Variants in SNTG1 observed in about 807,000 individuals in gnomAD.
SNTG1 encodes the protein gamma-1-syntrophin.
Under a neutral mutation model 74.7 loss-of-function variants are expected in SNTG1, and 39 were observed. The observed-to-expected ratio is 0.52, with a 90% CI of 0.40 to 0.68. The LOEUF (loss-of-function observed/expected upper bound fraction) is 0.68, where lower values mean the gene tolerates loss of function less well. Ranked by LOEUF, SNTG1 falls within the 30% of genes least tolerant of loss-of-function variation. The probability of loss-of-function intolerance (pLI) is 0.00; values close to 1 mark genes in which losing one functional copy is unlikely to be tolerated. For missense variants in SNTG1, 685 were observed against 609.5 expected (o/e 1.12, Z -1.30); for synonymous variants, 254 against 217.1 (o/e 1.17, Z -1.49).
At chr8:50,758,317 C>T (rs549530881) in intron 18 of SNTG1, among the ~76,000 whole-genome samples, 58 of 151,744 alleles carry the variant, frequency 3.8e-4, no homozygotes, top group African/African-American at 1.3e-3. Flanking sequence ...GCAATATTTT[C>T]TTTTTTAATT....
chr8:50,660,794 T>C (rs1563709303), intron 15 of SNTG1, among the ~76,000 whole-genome samples: 1 of 152,134 alleles, frequency 6.6e-6, no homozygotes, highest in Admixed American at 6.5e-5. Flanking sequence ...AAACATTATG[T>C]TTAGCTCTAT....
chr8:50,655,852 A>G (rs1011692481), intron 13 of SNTG1, among the ~76,000 whole-genome samples: 12 of 152,226 alleles, frequency 7.9e-5, no homozygotes, highest in Admixed American at 5.2e-4. Context: ...TTCTGAAAGT[A>G]AACTGATTGT....
intron 17 of SNTG1, among the ~76,000 whole-genome samples, chr8:50,728,002 G>A (rs10103289): frequency 0.94 from 143,448 of 152,178 alleles, 67,652 homozygotes; most frequent in East Asian, 1. Context: ...GTGGCTTATG[G>A]CCTCCACTTG....
rs145813310 is a variant in SNTG1 at position 50,294,138 on chromosome 8, CAAAT to C, written c.-27-100068_-27-100065del. On this transcript the variant is annotated intron_variant, in intron 2 of 18. Coordinates refer to ENST00000642720, the MANE Select transcript of SNTG1 (RefSeq NM_018967.5). ...TAGAAAATAATAAAATAAAAATAAT[CAAAT>C]AAATACACAGAATAAAAAAGTTAAG... Among the ~76,000 whole-genome samples the C allele has an allele frequency of 1.8e-3, 275 of 150,884 alleles. 1 individual carries two copies. The highest frequency in any genetic ancestry group is 6.5e-3 in the African/African-American group (264 of 40,636).
chr8:50,674,474 G>C (rs1453283988), intron 15 of SNTG1, among the ~76,000 whole-genome samples: 1 of 151,910 alleles, frequency 6.6e-6, no homozygotes, highest in Non-Finnish European at 1.5e-5. Context: ...GGTATTTATA[G>C]TATTCTCTGA....
chr8:50,182,490 G>C (rs1055545401), intron 2 of SNTG1, among the ~76,000 whole-genome samples: 1 of 151,884 alleles, frequency 6.6e-6, no homozygotes, highest in African/African-American at 2.4e-5. Context: ...GAGATAAATA[G>C]GTACAAGATG....
intron 18 of SNTG1, among the ~76,000 whole-genome samples, chr8:50,768,697 A>G (rs2131774415): frequency 6.6e-6 from 1 of 152,126 alleles, no homozygotes; most frequent in East Asian, 1.9e-4. Context: ...TTCCAGCTGT[A>G]CAAAGCACTG....
intron 18 of SNTG1, among the ~76,000 whole-genome samples, chr8:50,778,391 C>T (rs2095647717): frequency 6.6e-6 from 1 of 152,012 alleles, no homozygotes; most frequent in Non-Finnish European, 1.5e-5. Context: ...TAATGATTGC[C>T]ATTCTAACTG....
At chr8:50,452,450 CAT>C (rs1220085773) in intron 8 of SNTG1, among the ~76,000 whole-genome samples, 11 of 152,332 alleles carry the variant, frequency 7.2e-5, no homozygotes, top group Admixed American at 7.2e-4. Flanking sequence ...ATTTTAAACT[CAT>C]TACCCAGGGA....
At chr8:50,298,949 T>C (rs2130644213) in intron 2 of SNTG1, among the ~76,000 whole-genome samples, 1 of 152,272 alleles carries the variant, frequency 6.6e-6, no homozygotes, top group Admixed American at 6.5e-5. Flanking sequence ...AATAGGAAGG[T>C]TTAATTTTTT....
At chr8:50,486,382 T>A (rs1011679691) in intron 8 of SNTG1, among the ~76,000 whole-genome samples, 22 of 143,464 alleles carry the variant, frequency 1.5e-4, no homozygotes, top group African/African-American at 5.5e-4. Context: ...CTAAGTTGGA[T>A]TCCTAGGTAT....
At chr8:49,938,544 C>CTTCTT (rs1554524744) in intron 1 of SNTG1, among the ~76,000 whole-genome samples, 3 of 105,086 alleles carry the variant, frequency 2.9e-5, no homozygotes, top group East Asian at 6.8e-4. Context: ...CTTACCATGC[C>CTTCTT]TTCTTTTCTT....
At chr8:50,357,365 T>A (rs2091848334) in intron 2 of SNTG1, among the ~76,000 whole-genome samples, 2 of 152,186 alleles carry the variant, frequency 1.3e-5, no homozygotes, top group Admixed American at 1.3e-4. Flanking sequence ...AAAGAACAGG[T>A]TTACACATTG....
chr8:50,100,766 T>C (rs1339916669), intron 1 of SNTG1, among the ~76,000 whole-genome samples: 1 of 152,110 alleles, frequency 6.6e-6, no homozygotes, highest in Non-Finnish European at 1.5e-5. Context: ...AGTACAATAA[T>C]ACTTAACATT....
At position 50,795,195 on chromosome 8, in the gene SNTG1, T is replaced by C. The variant is rs933970772; in HGVS notation, c.*2366T>C. On this transcript the variant is annotated 3_prime_UTR_variant, in exon 19 of 19. Transcript: ENST00000642720. ...GATTAAAAACTTATGACAATACCAT[T>C]ATGAATATTTTTGATACTATTGATA... is the stretch of plus-strand genomic sequence containing the variant. 3 of 151,986 alleles carry C rather than the reference T, an allele frequency of 2.0e-5. No individual in the cohort carries two copies. The highest frequency in any genetic ancestry group is 7.2e-5 in the African/African-American group (3 of 41,426). The allele number at this position is 151,986 out of a possible 1,614,324, so 9.4% of individuals were successfully genotyped here.
intron 1 of SNTG1, among the ~76,000 whole-genome samples, chr8:49,995,795 C>T (rs1358013098): frequency 6.6e-6 from 1 of 152,202 alleles, no homozygotes; most frequent in African/African-American, 2.4e-5. Context: ...GGCTCATTGC[C>T]TTGTCAATAA....
At chr8:50,561,959 G>C (rs182381999) in intron 12 of SNTG1, among the ~76,000 whole-genome samples, 86 of 152,246 alleles carry the variant, frequency 5.6e-4, no homozygotes, top group Non-Finnish European at 6.9e-4. Context: ...GGTCAAAATA[G>C]TCCTGTGAAG....
intron 1 of SNTG1, among the ~76,000 whole-genome samples, chr8:49,937,212 A>G (rs984892418): frequency 5.3e-5 from 8 of 152,190 alleles, no homozygotes; most frequent in African/African-American, 1.9e-4. Context: ...AGACCAAACA[A>G]AGGGAAAAAA....
rs187099632 is a variant in SNTG1, at chr8:50,140,359, C to T, written c.-102-32202C>T. On this transcript the variant is annotated intron_variant, in intron 1 of 18. Coordinates refer to ENST00000642720, the MANE Select transcript of SNTG1 (RefSeq NM_018967.5). ...TAATGAACTGCTAAAGGTGATGCTTCCTTTCTCAGCCAGATTTCCCATTCT... is the reference window on the plus strand; with the variant it reads ...TAATGAACTGCTAAAGGTGATGCTTTCTTTCTCAGCCAGATTTCCCATTCT... Among the ~76,000 whole-genome samples, 404 of 152,278 alleles carry T rather than the reference C, an allele frequency of 2.7e-3. 7 individuals are homozygous for T. Among genetic ancestry groups the T allele is most frequent in the Non-Finnish European group, 2.2e-3 (151 of 68,014 alleles).
Sources: gnomAD v4.1 joint callset for allele counts (sites outside exome capture counted in the v4.1 genomes callset) on GRCh38, gnomAD v4.1.1 for gene constraint, MANE v1.5 for transcripts, NCBI Gene and HGNC (gene_info 2026-07-23, HGNC 2026-07-21) for gene names.